USP8: variants seen among roughly 807,000 people sequenced by gnomAD.
USP8 encodes ubiquitin specific peptidase 8.
A neutral mutation model predicts 130.0 loss-of-function variants in USP8; 27 were observed. The ratio of observed to expected loss-of-function variants is 0.21; its 90% CI spans 0.15 to 0.29. The LOEUF (loss-of-function observed/expected upper bound fraction) is 0.29, where lower values mean the gene tolerates loss of function less well. Ranked by LOEUF, USP8 falls within the 10% of genes least tolerant of loss-of-function variation. The pLI is 1.00. For synonymous variants in USP8, 392 were observed against 444.1 expected (o/e 0.88, Z 1.48); for missense variants, 1,029 against 1,312.2 (o/e 0.78, Z 3.33).
chr15:50,489,075 G>C (rs2052066648), intron 12 of USP8, among the ~76,000 whole-genome samples: 1 of 152,014 alleles, frequency 6.6e-6, no homozygotes, highest in African/African-American at 2.4e-5. Flanking sequence ...GGTTCATCAG[G>C]CGTTTTTGTT....
At chr15:50,469,726 A>G (rs765185396) in intron 7 of USP8, among the ~76,000 whole-genome samples, 35 of 152,180 alleles carry the variant, frequency 2.3e-4, no homozygotes, top group Non-Finnish European at 4.6e-4. Context: ...CATCAGTTAA[A>G]TATTGAAATG....
intron 2 of USP8, among the ~76,000 whole-genome samples, chr15:50,440,944 G>A (rs2050236152): frequency 6.6e-6 from 1 of 151,646 alleles, no homozygotes; most frequent in African/African-American, 2.4e-5. Context: ...AGAGGTTGCA[G>A]TGAGCCAAGA....
rs1340857958 is a variant in USP8, at chr15:50,505,245, A to G, written c.*6157A>G. 1 of 152,208 alleles carries G rather than the reference A, an allele frequency of 6.6e-6. No individual in the cohort carries two copies. Among genetic ancestry groups the G allele is most frequent in the Admixed American group, 6.5e-5 (1 of 15,286 alleles). The allele number at this position is 152,208 out of a possible 1,614,324, so 9.4% of individuals were successfully genotyped here. Reference sequence around the variant, plus strand: ...CAGGGATAAATAAAAATAATACTGCAGAACAACAGAGACAAAGAGAAAAAG... The same window carrying G: ...CAGGGATAAATAAAAATAATACTGCGGAACAACAGAGACAAAGAGAAAAAG... On this transcript the variant is annotated 3_prime_UTR_variant, in exon 20 of 20. Transcript: ENST00000307179.
chr15:50,500,692 C>T lies in USP8; in HGVS notation c.*1604C>T. On this transcript the variant is annotated 3_prime_UTR_variant, in exon 20 of 20. Coordinates refer to ENST00000307179, the MANE Select transcript of USP8 (RefSeq NM_005154.5). ...TATTGGTATGGAAAAGGGCTGGCAG[C>T]TATAGAACAGGAGATCCATAGCATT... 1 of 1,400,290 alleles carries T rather than the reference C, an allele frequency of 7.1e-7. No homozygotes were observed. Among genetic ancestry groups the T allele is most frequent in the South Asian group, 1.2e-5 (1 of 80,726 alleles). 86.7% of individuals were successfully genotyped at this position (1,400,290 alleles called of 1,614,324 possible).
In USP8 at chr15:50,501,130, A is replaced by C. The variant is rs1279418882; in HGVS notation, c.*2042A>C. ...AACATTTAGTTAGCACTTAATATAC[A>C]TCAACTATTAAGCATTAAAGGAAAT... On this transcript the variant is annotated 3_prime_UTR_variant, in exon 20 of 20. Coordinates refer to ENST00000307179, the MANE Select transcript of USP8 (RefSeq NM_005154.5). 3.3e-6 allele frequency: 1 copy of C among 304,818 alleles called. No individual in the cohort carries two copies. Among genetic ancestry groups the C allele is most frequent in the Admixed American group, 4.2e-5 (1 of 24,020 alleles). The allele number at this position is 304,818 out of a possible 1,614,324, so 18.9% of individuals were successfully genotyped here.
chr15:50,442,464 TG>T (rs1210312839), intron 3 of USP8, among the ~76,000 whole-genome samples: 1 of 151,644 alleles, frequency 6.6e-6, no homozygotes, highest in Non-Finnish European at 1.5e-5. Flanking sequence ...AAAAGAATGC[TG>T]GGCACGGTGG....
intron 1 of USP8, among the ~76,000 whole-genome samples, chr15:50,426,092 G>A (rs1473209416): frequency 1.3e-5 from 2 of 152,306 alleles, no homozygotes; most frequent in African/African-American, 4.8e-5. Flanking sequence ...TTGCACTCCA[G>A]CCTGGGTGAC....
Position 50,500,612 on chromosome 15 carries a change from C to T in USP8, c.*1524C>T. The T allele has an allele frequency of 3.3e-6, 2 of 611,272 alleles. No individual in the cohort carries two copies. Among genetic ancestry groups the T allele is most frequent in the South Asian group, 4.2e-5 (2 of 47,678 alleles). 37.9% of individuals were successfully genotyped at this position (611,272 alleles called of 1,614,324 possible). A position where few individuals can be genotyped will look rare whatever the true frequency, so the allele number is the denominator to read the frequency against. Reference sequence around the variant, plus strand: ...GCAAAACTCTACCACCAGATGCTGACTGCTTGTTTTGCAGTGTTCAGGAAA... The same window carrying T: ...GCAAAACTCTACCACCAGATGCTGATTGCTTGTTTTGCAGTGTTCAGGAAA... On this transcript the variant is annotated 3_prime_UTR_variant, in exon 20 of 20. Transcript: ENST00000307179.
Position 50,488,591 on chromosome 15 carries a change from G to A in USP8, c.1891-1210G>A, listed in dbSNP as rs902615367. Reference sequence around the variant, plus strand: ...TTTTTTTTTTTTTTTTGGAGATGGAGTCTCGCTCTGCCACCCAGGCGGGAG... The same window carrying A: ...TTTTTTTTTTTTTTTTGGAGATGGAATCTCGCTCTGCCACCCAGGCGGGAG... On this transcript the variant is annotated intron_variant, in intron 12 of 19. Transcript: ENST00000307179. Among the ~76,000 whole-genome samples, 124 of 125,492 alleles carry A rather than the reference G, an allele frequency of 9.9e-4. 2 individuals carry two copies. The highest frequency in any genetic ancestry group is 3.7e-3 in the African/African-American group (122 of 33,018). The allele number at this position is 125,492 out of a possible 152,430, so 82.3% of individuals were successfully genotyped here.
At chr15:50,428,185 C>T (rs1331098560) in intron 1 of USP8, among the ~76,000 whole-genome samples, 6 of 151,890 alleles carry the variant, frequency 4.0e-5, no homozygotes, top group Non-Finnish European at 8.8e-5. Flanking sequence ...GGCATGATCT[C>T]GGCTCACTGC....
chr15:50,441,449 GTTTA>G lies in USP8; in HGVS notation c.207_210del (p.Tyr70IlefsTer41). The G allele has an allele frequency of 6.3e-7, 1 of 1,585,026 alleles. No homozygotes were observed. The highest frequency in any genetic ancestry group is 8.5e-7 in the Non-Finnish European group (1 of 1,171,304). On this transcript the variant is annotated frameshift_variant, in exon 3 of 20. Transcript: ENST00000307179. LOFTEE classifies it high-confidence loss of function. ...TGTACTATATATGAAATACGTGACTGTTTATAATCTTATCAAAAAAAGACCTGAT... is the reference window on the plus strand; with the variant it reads ...TGTACTATATATGAAATACGTGACTGTAATCTTATCAAAAAAAGACCTGAT...
chr15:50,477,245 C>A, intron 9 of USP8, 31 bp from the exon 10 acceptor site: 2 of 1,588,158 alleles, frequency 1.3e-6, no homozygotes, highest in South Asian at 1.1e-5. Context: ...GTTTGCTATT[C>A]TAAAAAACAT....
intron 4 of USP8, among the ~76,000 whole-genome samples, chr15:50,449,890 CTT>C (rs1198558839): frequency 2.8e-4 from 22 of 78,926 alleles, no homozygotes; most frequent in Non-Finnish European, 3.4e-4. Flanking sequence ...CCCAATATTT[CTT>C]TTTTTTTTTT....
chr15:50,500,720 G>A lies in USP8; in HGVS notation c.*1632G>A. ...TAGAACAGGAGATCCATAGCATTTT[G>A]AACAGAAGTATCTGGAATCTCACTG... On this transcript the variant is annotated 3_prime_UTR_variant, in exon 20 of 20. Coordinates refer to ENST00000307179, the MANE Select transcript of USP8 (RefSeq NM_005154.5). The A allele has an allele frequency of 1.3e-6, 2 of 1,522,864 alleles. No homozygotes were observed. The highest frequency in any genetic ancestry group is 1.8e-6 in the Non-Finnish European group (2 of 1,118,430). The allele number at this position is 1,522,864 out of a possible 1,614,324, so 94.3% of individuals were successfully genotyped here. A position where few individuals can be genotyped will look rare whatever the true frequency, so the allele number is the denominator to read the frequency against.
intron 12 of USP8, 170 bp from the exon 13 acceptor site, chr15:50,489,631 G>A (rs2052086821): frequency 3.1e-6 from 1 of 326,248 alleles, no homozygotes; most frequent in South Asian, 5.4e-5. Context: ...TTGAGAAAAA[G>A]ATAATTTTTT....
chr15:50,462,021 A>C (rs1195726449), intron 5 of USP8, among the ~76,000 whole-genome samples: 1 of 152,198 alleles, frequency 6.6e-6, no homozygotes, highest in Non-Finnish European at 1.5e-5. Context: ...TTGTGCTGTT[A>C]AATTATATTT....
At position 50,498,739 on chromosome 15, in the gene USP8, C is replaced by G; in HGVS notation, c.3171+11C>G. 3 of 1,587,338 alleles carry G rather than the reference C, an allele frequency of 1.9e-6. No individual in the cohort carries two copies. The highest frequency in any genetic ancestry group is 1.2e-5 in the South Asian group (1 of 86,696). ...TTGTTTTCTGTTTCAGTAAGTATCT[C>G]TTTGAACTGAAGACTTTTTGTTTCA... is the stretch of plus-strand genomic sequence containing the variant. On this transcript the variant is annotated intron_variant, in intron 19 of 19. Transcript: ENST00000307179.
intron 7 of USP8, among the ~76,000 whole-genome samples, chr15:50,471,182 C>T (rs752504475): frequency 6.6e-6 from 1 of 152,162 alleles, no homozygotes; most frequent in African/African-American, 2.4e-5. Flanking sequence ...GTATCTGGCA[C>T]ATGGTAAATG....
intron 17 of USP8, among the ~76,000 whole-genome samples, 163 bp downstream of exon 17, chr15:50,496,247 C>T (rs973008441): frequency 2.6e-5 from 4 of 151,938 alleles, no homozygotes; most frequent in South Asian, 2.1e-4. Flanking sequence ...TTTGGGAGGC[C>T]GAGGTGGGCG....
Sources: gnomAD v4.1 joint callset for allele counts (sites outside exome capture counted in the v4.1 genomes callset) on GRCh38, gnomAD v4.1.1 for gene constraint, MANE v1.5 for transcripts, NCBI Gene and HGNC (gene_info 2026-07-23, HGNC 2026-07-21) for gene names.